Variants in FIGN observed in about 807,000 individuals in gnomAD.
The protein encoded by FIGN is fidgetin.
In FIGN, 11 loss-of-function variants were observed where a neutral mutation model predicts 51.3. That is an observed-to-expected ratio of 0.21 (90% CI 0.13 to 0.35). The LOEUF (loss-of-function observed/expected upper bound fraction) is 0.35, where lower values mean the gene tolerates loss of function less well. Ranked by LOEUF, FIGN falls within the 10% of genes least tolerant of loss-of-function variation. FIGN has a pLI of 1.00. For missense variants in FIGN, 857 were observed against 943.6 expected (o/e 0.91, Z 1.20); for synonymous variants, 407 against 363.2 (o/e 1.12, Z -1.37).
chr2:163,616,635 C>A (rs1374800824), intron 2 of FIGN, among the ~76,000 whole-genome samples: 1 of 152,094 alleles, frequency 6.6e-6, no homozygotes, highest in Non-Finnish European at 1.5e-5. Flanking sequence ...GCCTGCATGA[C>A]AACATTACTA....
At chr2:163,636,545 A>G (rs900967676) in intron 2 of FIGN, among the ~76,000 whole-genome samples, 1 of 152,136 alleles carries the variant, frequency 6.6e-6, no homozygotes, top group Non-Finnish European at 1.5e-5. Context: ...TCAGCCTCCC[A>G]AAGTGCTGGG....
intron 2 of FIGN, among the ~76,000 whole-genome samples, chr2:163,654,366 A>G (rs1224083445): frequency 2.6e-5 from 4 of 152,186 alleles, no homozygotes; most frequent in African/African-American, 9.7e-5. Flanking sequence ...TAATTTTGAT[A>G]CAGTACTTGG....
At chr2:163,612,692 ATGTGTG>A (rs10678331) in intron 2 of FIGN, 35 of 385,862 alleles carry the variant, frequency 9.1e-5, no homozygotes, top group African/African-American at 3.4e-4. Context: ...AGAGGGGAGA[ATGTGTG>A]TGTGTGTGTG....
chr2:163,699,611 T>C (rs1684376599), intron 2 of FIGN, among the ~76,000 whole-genome samples: 1 of 152,280 alleles, frequency 6.6e-6, no homozygotes, highest in Non-Finnish European at 1.5e-5. Context: ...TCACTGTTAC[T>C]TTCTAATGGT....
At chr2:163,719,394 A>G (rs976422568) in intron 2 of FIGN, among the ~76,000 whole-genome samples, 3 of 152,170 alleles carry the variant, frequency 2.0e-5, no homozygotes, top group Non-Finnish European at 4.4e-5. Flanking sequence ...ACACAGACAT[A>G]GGCACACAGA....
At chr2:163,670,160 T>G (rs1242076342) in intron 2 of FIGN, among the ~76,000 whole-genome samples, 3 of 152,148 alleles carry the variant, frequency 2.0e-5, no homozygotes, top group Non-Finnish European at 4.4e-5. Context: ...TATAATGATA[T>G]TAGAATAAAT....
chr2:163,628,581 G>C (rs1265429346), intron 2 of FIGN, among the ~76,000 whole-genome samples: 7 of 151,982 alleles, frequency 4.6e-5, no homozygotes, highest in Admixed American at 4.6e-4. Context: ...CAATAATAAA[G>C]ATATACAGGA....
chr2:163,610,390 G>C lies in FIGN; in HGVS notation c.1442C>G (p.Pro481Arg). The C allele has an allele frequency of 6.2e-7, 1 of 1,614,134 alleles. No individual in the cohort carries two copies. Among genetic ancestry groups the C allele is most frequent in the Non-Finnish European group, 8.5e-7 (1 of 1,180,016 alleles). The change falls in exon 3 of 3, where the codon CCT (proline) becomes CGT (arginine). Residue 481 changes from proline to arginine, a missense_variant. Transcript: ENST00000333129. ...LVTNEIITQG[P>R]PVDWNDIAGL... Reference sequence around the variant, plus strand: ...AGCAATGTCATTCCAGTCCACTGGAGGTCCTTGGGTGATAATCTCATTGGT... The same window carrying C: ...AGCAATGTCATTCCAGTCCACTGGACGTCCTTGGGTGATAATCTCATTGGT...
chr2:163,666,258 C>T lies in FIGN; in HGVS notation c.26-54452G>A, dbSNP rs532087613. 1.5e-4 allele frequency among the ~76,000 whole-genome samples: 23 copies of T among 152,274 alleles called. 1 individual carries two copies. The South Asian group carries it at 4.6e-3, about 30-fold the overall frequency. Reference sequence around the variant, plus strand: ...CACCAACAGCTTCACTAACAATCCCCTAAAGGACCAGAGACAGAGGGCATT... The same window carrying T: ...CACCAACAGCTTCACTAACAATCCCTTAAAGGACCAGAGACAGAGGGCATT... On this transcript the variant is annotated intron_variant, in intron 2 of 2. Coordinates refer to ENST00000333129, the MANE Select transcript of FIGN (RefSeq NM_018086.4).
chr2:163,665,954 T>G (rs1177946550), intron 2 of FIGN, among the ~76,000 whole-genome samples: 1 of 152,174 alleles, frequency 6.6e-6, no homozygotes, highest in African/African-American at 2.4e-5. Context: ...TATTATATGA[T>G]GAAAGCCACC....
intron 2 of FIGN, among the ~76,000 whole-genome samples, chr2:163,684,021 C>T (rs181209038): frequency 1.6e-4 from 24 of 152,050 alleles, no homozygotes; most frequent in African/African-American, 5.8e-4. Flanking sequence ...CTGTGTTTTT[C>T]CAATGTTGAA....
In FIGN at chr2:163,719,666, G is replaced by A. The variant is rs78438953; in HGVS notation, c.25+15237C>T. On this transcript the variant is annotated intron_variant, in intron 2 of 2. Transcript: ENST00000333129. The stretch of plus-strand genomic sequence containing the variant: ...TTTGTTTAGTTTCTAGTAAGAAGAA[G>A]AAAACCTGTGGGGTAGTGATGCAAA... 7.8e-4 allele frequency among the ~76,000 whole-genome samples: 118 copies of A among 152,188 alleles called. 2 individuals are homozygous for A. The East Asian group carries it at 0.022, about 29-fold the overall frequency.
Position 163,642,793 on chromosome 2 carries a change from T to A in FIGN, c.26-30987A>T, listed in dbSNP as rs145450524. On this transcript the variant is annotated intron_variant, in intron 2 of 2. Coordinates refer to ENST00000333129, the MANE Select transcript of FIGN (RefSeq NM_018086.4). The stretch of plus-strand genomic sequence containing the variant: ...GAGAATAATTTCATGTATAACAGCA[T>A]CAAAAATAATAAAATGCTGAAGAAT... Among the ~76,000 whole-genome samples the A allele has an allele frequency of 2.4e-3, 358 of 151,916 alleles. 4 individuals are homozygous for A. Among genetic ancestry groups the A allele is most frequent in the African/African-American group, 8.3e-3 (346 of 41,454 alleles).
intron 2 of FIGN, among the ~76,000 whole-genome samples, chr2:163,734,557 CAAAAA>C (rs34286375): frequency 1.3e-4 from 13 of 102,866 alleles, no homozygotes; most frequent in African/African-American, 4.8e-4. Flanking sequence ...CTCCCTCCTT[CAAAAA>C]AAAAAAAAAA....
chr2:163,729,468 C>T (rs1009011988), intron 2 of FIGN, among the ~76,000 whole-genome samples: 3 of 152,032 alleles, frequency 2.0e-5, no homozygotes, highest in African/African-American at 4.8e-5. Context: ...AAAAACTTTA[C>T]TGTATATTAT....
chr2:163,649,780 C>T (rs904834958), intron 2 of FIGN, among the ~76,000 whole-genome samples: 16 of 152,084 alleles, frequency 1.1e-4, no homozygotes, highest in Admixed American at 6.5e-4. Flanking sequence ...TAAAATGGCA[C>T]GAATAGTGAG....
At position 163,609,224 on chromosome 2, in the gene FIGN, AG is replaced by A; in HGVS notation, c.*327del. 3.9e-6 allele frequency: 1 copy of A among 256,110 alleles called. No individual in the cohort carries two copies. The highest frequency in any genetic ancestry group is 7.4e-6 in the Non-Finnish European group (1 of 134,678). The allele number at this position is 256,110 out of a possible 1,614,324, so 15.9% of individuals were successfully genotyped here. A position where few individuals can be genotyped will look rare whatever the true frequency, so the allele number is the denominator to read the frequency against. On this transcript the variant is annotated 3_prime_UTR_variant, in exon 3 of 3. Coordinates refer to ENST00000333129, the MANE Select transcript of FIGN (RefSeq NM_018086.4). ...GGCACTTGACAGCAACTAAATCTCG[AG>A]AACAGCAGAATGGAATCAACACACG... is the stretch of plus-strand genomic sequence containing the variant.
intron 2 of FIGN, among the ~76,000 whole-genome samples, chr2:163,733,447 A>G (rs1684962760): frequency 6.6e-6 from 1 of 152,168 alleles, no homozygotes; most frequent in Non-Finnish European, 1.5e-5. Flanking sequence ...TAAATGTAAT[A>G]TCCTCCTCAT....
chr2:163,634,709 A>T (rs887137329), intron 2 of FIGN, among the ~76,000 whole-genome samples: 1 of 152,254 alleles, frequency 6.6e-6, no homozygotes, highest in Non-Finnish European at 1.5e-5. Context: ...GCATTCATTT[A>T]TTAGACTGAT....
Sources: gnomAD v4.1 joint callset for allele counts (sites outside exome capture counted in the v4.1 genomes callset) on GRCh38, gnomAD v4.1.1 for gene constraint, MANE v1.5 for transcripts, NCBI Gene and HGNC (gene_info 2026-07-23, HGNC 2026-07-21) for gene names.